Variants in TRAPPC9 observed in about 807,000 individuals in gnomAD.
TRAPPC9 encodes the protein IKK2 binding protein.
Under a neutral mutation model 124.0 loss-of-function variants are expected in TRAPPC9, and 83 were observed. The observed-to-expected ratio is 0.67, with a 90% confidence interval of 0.56 to 0.80. TRAPPC9 has a LOEUF of 0.80. Among genes scored for constraint, TRAPPC9 ranks in the 30% least tolerant of loss-of-function variants. TRAPPC9 has a pLI of 0.00. For missense variants in TRAPPC9, 1,302 were observed against 1,508.3 expected, an observed-to-expected ratio of 0.86 and a Z score of 2.27; for synonymous variants, 638 against 617.5, an observed-to-expected ratio of 1.03 and a Z score of -0.49.
chr8:139,906,547 TA>T (rs957612445), intron 20 of TRAPPC9, among the ~76,000 whole-genome samples: 5 of 151,420 alleles, frequency 3.3e-5, no homozygotes, highest in East Asian at 1.9e-4. Context: ...GGGAAGGGCA[TA>T]GGGGAGGGGC....
rs78093868 is a variant in TRAPPC9 at position 139,910,027 on chromosome 8, A to C, written c.2964+120T>G. The stretch of plus-strand genomic sequence containing the variant: ...CCTTTGGTCCACATCTCCTTGCCAC[A>C]GCATTTCTGAGCTACCTGTGGTGAA... On this transcript the variant is annotated intron_variant, in intron 20 of 22. Coordinates refer to ENST00000438773, the MANE Select transcript of TRAPPC9 (RefSeq NM_001160372.4). 5,497 of 1,195,838 alleles carry C rather than the reference A, an allele frequency of 4.6e-3. 168 individuals carry two copies. In the African/African-American group the frequency reaches 0.072, roughly 16 times the overall value. 74.1% of individuals were successfully genotyped at this position (1,195,838 alleles called of 1,614,324 possible).
chr8:139,863,723 C>T (rs1040339525), intron 21 of TRAPPC9, among the ~76,000 whole-genome samples: 2 of 152,244 alleles, frequency 1.3e-5, no homozygotes, highest in Admixed American at 1.3e-4. Flanking sequence ...AACACGTCAA[C>T]GTGGGGAAGG....
intron 21 of TRAPPC9, among the ~76,000 whole-genome samples, chr8:139,861,891 C>T (rs183228730): frequency 1.8e-3 from 258 of 141,446 alleles, no homozygotes; most frequent in Middle Eastern, 3.5e-3. Flanking sequence ...CCCAGGTAGA[C>T]CAAGGGTGAA....
At position 140,045,236 on chromosome 8, in the gene TRAPPC9, G is replaced by A. The variant is rs550280720; in HGVS notation, c.2557-21157C>T. Among the ~76,000 whole-genome samples the A allele has an allele frequency of 5.9e-5, 9 of 152,278 alleles. No homozygotes were observed. In the South Asian group the frequency reaches 8.3e-4, roughly 14 times the overall value. On this transcript the variant is annotated intron_variant, in intron 17 of 22. Transcript: ENST00000438773. ...CTGGGCAAACAACCTGACCCTCTGCGCTTCAGCTTCCTTGCGTACACGAAG... is the reference window on the plus strand; with the variant it reads ...CTGGGCAAACAACCTGACCCTCTGCACTTCAGCTTCCTTGCGTACACGAAG...
chr8:140,179,993 A>ATTTTTTTTTTTTTTTTTTTTTTT (rs71520259), intron 17 of TRAPPC9, among the ~76,000 whole-genome samples: 10 of 90,040 alleles, frequency 1.1e-4, no homozygotes, highest in East Asian at 9.6e-4. Context: ...TTATATCTTG[A>ATTTTTTTTTTTTTTTTTTTTTTT]TTTTTTTTTT....
intron 18 of TRAPPC9, among the ~76,000 whole-genome samples, chr8:140,001,600 C>A (rs1442058624): frequency 6.6e-6 from 1 of 152,004 alleles, no homozygotes; most frequent in East Asian, 1.9e-4. Flanking sequence ...ACACAAATGA[C>A]CAGTATCATA....
chr8:139,757,270 T>C (rs1473121062), intron 21 of TRAPPC9, among the ~76,000 whole-genome samples: 1 of 129,678 alleles, frequency 7.7e-6, no homozygotes, highest in African/African-American at 3.1e-5. Context: ...GGACAGCAGG[T>C]TGCAGGAGGA....
intron 9 of TRAPPC9, among the ~76,000 whole-genome samples, chr8:140,320,582 C>T (rs2066565439): frequency 6.6e-6 from 1 of 152,238 alleles, no homozygotes; most frequent in African/African-American, 2.4e-5. Flanking sequence ...CAAGTCAAAT[C>T]CAGCACCCGG....
rs541971466 is a variant in TRAPPC9 at position 140,379,769 on chromosome 8, A to G, written c.1135-8589T>C. ...AATCTATACGCTTAATAAAACCCCT[A>G]TCCTACAGATGAAATTACCGATTCC... On this transcript the variant is annotated intron_variant, in intron 7 of 22. Coordinates refer to ENST00000438773, the MANE Select transcript of TRAPPC9 (RefSeq NM_001160372.4). 2.7e-3 allele frequency among the ~76,000 whole-genome samples: 404 copies of G among 152,330 alleles called. 3 individuals are homozygous for G. The highest frequency in any genetic ancestry group is 3.5e-3 in the Non-Finnish European group (238 of 68,030).
At chr8:140,219,504 A>G (rs1462910953) in intron 17 of TRAPPC9, among the ~76,000 whole-genome samples, 1 of 152,182 alleles carries the variant, frequency 6.6e-6, no homozygotes. Context: ...TCATCAAAGA[A>G]TGCAGTTTCC....
intron 21 of TRAPPC9, among the ~76,000 whole-genome samples, chr8:139,804,278 C>T (rs1446622288): frequency 2.1e-4 from 29 of 140,558 alleles, no homozygotes; most frequent in South Asian, 4.7e-4. Context: ...ACACAACCAC[C>T]ACCACCCACC....
chr8:139,760,624 G>GA (rs1820155850), intron 21 of TRAPPC9, among the ~76,000 whole-genome samples: 1 of 152,178 alleles, frequency 6.6e-6, no homozygotes, highest in South Asian at 2.1e-4. Context: ...ATCACCCTCC[G>GA]TATCTGACAG....
At chr8:139,731,251 C>A (rs1817800081) in intron 22 of TRAPPC9, 23 bp from the exon 23 acceptor site, 1 of 1,611,986 alleles carries the variant, frequency 6.2e-7, no homozygotes, top group Non-Finnish European at 8.5e-7. Context: ...GAGAAAGACA[C>A]ATCAGTCTGG....
intron 21 of TRAPPC9, among the ~76,000 whole-genome samples, chr8:139,756,362 A>G (rs1353951105): frequency 6.7e-4 from 48 of 71,130 alleles, no homozygotes; most frequent in South Asian, 1.7e-3. Context: ...GTGGGGGTAG[A>G]GGGACAGCAG....
chr8:139,928,885 G>A (rs572050773), intron 19 of TRAPPC9, among the ~76,000 whole-genome samples: 14 of 151,690 alleles, frequency 9.2e-5, no homozygotes, highest in Non-Finnish European at 1.6e-4. Flanking sequence ...ATCACAGCCC[G>A]TTGATTCTCC....
At chr8:139,748,923 G>C (rs957097951) in intron 21 of TRAPPC9, among the ~76,000 whole-genome samples, 1 of 152,154 alleles carries the variant, frequency 6.6e-6, no homozygotes, top group Non-Finnish European at 1.5e-5. Context: ...AACTCTGGCA[G>C]TAGGTCCAGG....
At chr8:140,128,130 T>C (rs995660650) in intron 17 of TRAPPC9, among the ~76,000 whole-genome samples, 3 of 152,268 alleles carry the variant, frequency 2.0e-5, no homozygotes, top group Non-Finnish European at 4.4e-5. Flanking sequence ...TTTGTTTTTA[T>C]CAATACCAAA....
At chr8:139,810,522 C>T (rs1824367869) in intron 21 of TRAPPC9, among the ~76,000 whole-genome samples, 1 of 152,142 alleles carries the variant, frequency 6.6e-6, no homozygotes, top group Non-Finnish European at 1.5e-5. Context: ...CCAGGGCTCC[C>T]CCATCCCCTG....
At chr8:139,949,853 C>T (rs1410681449) in intron 19 of TRAPPC9, among the ~76,000 whole-genome samples, 2 of 152,118 alleles carry the variant, frequency 1.3e-5, no homozygotes, top group African/African-American at 4.8e-5. Context: ...CTGTGAGTAT[C>T]CTCAATACCA....
Sources: gnomAD v4.1 joint callset for allele counts (sites outside exome capture counted in the v4.1 genomes callset) on GRCh38, gnomAD v4.1.1 for gene constraint, MANE v1.5 for transcripts, NCBI Gene and HGNC (gene_info 2026-07-23, HGNC 2026-07-21) for gene names.